MBTD1: variants seen among roughly 807,000 people sequenced by gnomAD.
MBTD1 encodes mbt domain containing 1.
Under a neutral mutation model 87.8 loss-of-function variants are expected in MBTD1, and 24 were observed. The observed-to-expected ratio is 0.27, with a 90% confidence interval of 0.20 to 0.38. The LOEUF (loss-of-function observed/expected upper bound fraction) is 0.38. Ranked by LOEUF, MBTD1 falls within the 10% of genes least tolerant of loss-of-function variation. MBTD1 has a pLI of 1.00. For missense variants in MBTD1, 436 were observed against 760.2 expected (o/e 0.57, Z 5.02); for synonymous variants, 237 against 248.6 (o/e 0.95, Z 0.44).
At position 51,247,237 on chromosome 17, in the gene MBTD1, G is replaced by A. The variant is rs932085153; in HGVS notation, c.-49+11906C>T. Among the ~76,000 whole-genome samples, 3 of 152,178 alleles carry A rather than the reference G, an allele frequency of 2.0e-5. No individual in the cohort carries two copies. The South Asian group carries it at 6.2e-4, about 32-fold the overall frequency. On this transcript the variant is annotated intron_variant, in intron 2 of 16. Transcript: ENST00000586178. ...AGAACACAACTTTTCTCTTCTGACCGATTAGTATGGTGAACTACATAAATA... is the reference window on the plus strand; with the variant it reads ...AGAACACAACTTTTCTCTTCTGACCAATTAGTATGGTGAACTACATAAATA...
intron 8 of MBTD1, among the ~76,000 whole-genome samples, chr17:51,203,507 C>T: frequency 6.6e-6 from 1 of 151,998 alleles, no homozygotes; most frequent in African/African-American, 2.4e-5. Context: ...CTCCATCTCC[C>T]CGGTTCAAGC....
chr17:51,215,712 T>C (rs1428441304), intron 6 of MBTD1, among the ~76,000 whole-genome samples: 7 of 152,200 alleles, frequency 4.6e-5, no homozygotes, highest in African/African-American at 1.7e-4. Flanking sequence ...ATAAATCACC[T>C]ACTTTACACA....
upstream of MBTD1, chr17:51,260,863 G>A (rs749250452): frequency 1.8e-5 from 29 of 1,601,808 alleles, no homozygotes; most frequent in Admixed American, 4.1e-4. Flanking sequence ...GCTTGGAGGA[G>A]CTGGTCTTCG....
chr17:51,230,275 C>A (rs2053476975), intron 2 of MBTD1, among the ~76,000 whole-genome samples: 1 of 152,178 alleles, frequency 6.6e-6, no homozygotes, highest in Non-Finnish European at 1.5e-5. Context: ...CATTTAGATA[C>A]AGTGTGGTGT....
chr17:51,232,068 G>C (rs2286762), intron 2 of MBTD1, among the ~76,000 whole-genome samples: 2,140 of 151,934 alleles, frequency 0.014, 33 homozygotes, highest in Middle Eastern at 0.034. Context: ...ATACTCAAAA[G>C]ACCTATGAGG....
At position 51,177,441 on chromosome 17, in the gene MBTD1, A is replaced by G. The variant is rs969429730; in HGVS notation, c.*3135T>C. ...AAATCCAGCTTAACTTTAACATTTT[A>G]TTTTGTGTAAAAAAGGGCAAATTTA... On this transcript the variant is annotated 3_prime_UTR_variant, in exon 17 of 17. Transcript: ENST00000586178. The G allele has an allele frequency of 2.6e-5, 4 of 152,186 alleles. No homozygotes were observed. The highest frequency in any genetic ancestry group is 5.9e-5 in the Non-Finnish European group (4 of 68,014). 9.4% of individuals were successfully genotyped at this position (152,186 alleles called of 1,614,324 possible).
At position 51,255,016 on chromosome 17, in the gene MBTD1, C is replaced by T. The variant is rs1291592672; in HGVS notation, c.-49+4127G>A. On this transcript the variant is annotated intron_variant, in intron 2 of 16. Coordinates refer to ENST00000586178, the MANE Select transcript of MBTD1 (RefSeq NM_017643.3). ...CATAGAGACGGGCCAGGCGCAGTGG[C>T]TCACGCCTGTAATCCCAGCACTTTG... 2.0e-5 allele frequency among the ~76,000 whole-genome samples: 3 copies of T among 152,316 alleles called. No individual in the cohort carries two copies. In the East Asian group the frequency reaches 5.8e-4, roughly 29 times the overall value.
Position 51,225,218 on chromosome 17 carries a change from T to G in MBTD1, c.-48-9A>C. 1 of 1,462,390 alleles carries G rather than the reference T, an allele frequency of 6.8e-7. No homozygotes were observed. The highest frequency in any genetic ancestry group is 9.1e-7 in the Non-Finnish European group (1 of 1,099,232). The allele number at this position is 1,462,390 out of a possible 1,614,324, so 90.6% of individuals were successfully genotyped here. ...CGTGAAGAATGTTCAGTCTTTGAAGTAAGAGAAACCAGTGACACATGACAC... is the reference window on the plus strand; with the variant it reads ...CGTGAAGAATGTTCAGTCTTTGAAGGAAGAGAAACCAGTGACACATGACAC... On this transcript the variant is annotated splice_polypyrimidine_tract_variant and intron_variant, in intron 2 of 16. Transcript: ENST00000586178.
At chr17:51,195,695 G>T (rs186317391) in intron 12 of MBTD1, among the ~76,000 whole-genome samples, 203 of 152,290 alleles carry the variant, frequency 1.3e-3, no homozygotes, top group African/African-American at 4.7e-3. Context: ...GTTTCAGCTA[G>T]GCTCCAAATC....
chr17:51,215,039 G>C lies in MBTD1; in HGVS notation c.486+2295C>G, dbSNP rs142173771. 4.0e-3 allele frequency among the ~76,000 whole-genome samples: 611 copies of C among 152,322 alleles called. 9 individuals carry two copies. The highest frequency in any genetic ancestry group is 0.028 in the South Asian group (133 of 4,832). ...GGCTTCAAATGAATATGCCAGTTAA[G>C]AGAGCAAGCTCTTTGTACAAAAACA... On this transcript the variant is annotated intron_variant, in intron 6 of 16. Coordinates refer to ENST00000586178, the MANE Select transcript of MBTD1 (RefSeq NM_017643.3).
At chr17:51,243,805 G>A (rs1458670864) in intron 2 of MBTD1, among the ~76,000 whole-genome samples, 1 of 152,158 alleles carries the variant, frequency 6.6e-6, no homozygotes, top group Non-Finnish European at 1.5e-5. Flanking sequence ...GGGATTACAG[G>A]TGTACACTGA....
chr17:51,196,504 A>G (rs1368442482), intron 12 of MBTD1, among the ~76,000 whole-genome samples: 2 of 151,828 alleles, frequency 1.3e-5, no homozygotes, highest in African/African-American at 4.8e-5. Context: ...TTTTAAAACT[A>G]AGACAAACTT....
In MBTD1 at chr17:51,231,620, C is replaced by T. The variant is rs191647965; in HGVS notation, c.-48-6411G>A. Among the ~76,000 whole-genome samples the T allele has an allele frequency of 5.5e-4, 84 of 152,070 alleles. No homozygotes were observed. In the Middle Eastern group the frequency reaches 0.017, roughly 31 times the overall value. The stretch of plus-strand genomic sequence containing the variant: ...TAGAGAAATGTTCTCTGATCTTTTC[C>T]ATGGTCCTAGCACACACAGAAAATG... On this transcript the variant is annotated intron_variant, in intron 2 of 16. Transcript: ENST00000586178.
chr17:51,215,537 A>G (rs1470930608), intron 6 of MBTD1, among the ~76,000 whole-genome samples: 1 of 152,222 alleles, frequency 6.6e-6, no homozygotes, highest in African/African-American at 2.4e-5. Context: ...GAGATGAAAG[A>G]GTTACTGTAA....
At chr17:51,244,424 C>T (rs998489142) in intron 2 of MBTD1, among the ~76,000 whole-genome samples, 1 of 151,964 alleles carries the variant, frequency 6.6e-6, no homozygotes, top group Non-Finnish European at 1.5e-5. Context: ...CTTGTGTCCT[C>T]TTTTTTTTCC....
chr17:51,251,023 CTTTGTA>C (rs974393197), intron 2 of MBTD1: 1 of 151,910 alleles, frequency 6.6e-6, no homozygotes, highest in African/African-American at 2.4e-5. Flanking sequence ...GCTTTTTGTT[CTTTGTA>C]TTTGTTTCAG....
chr17:51,230,182 T>C (rs1161525305), intron 2 of MBTD1, among the ~76,000 whole-genome samples: 6 of 152,166 alleles, frequency 3.9e-5, no homozygotes, highest in African/African-American at 1.4e-4. Flanking sequence ...ATCTAAAAGA[T>C]GAAGTGAGAC....
chr17:51,179,691 G>T lies in MBTD1; in HGVS notation c.*885C>A, dbSNP rs901510826. 2.6e-5 allele frequency: 4 copies of T among 151,102 alleles called. No individual in the cohort carries two copies. The highest frequency in any genetic ancestry group is 5.9e-5 in the Non-Finnish European group (4 of 67,802). 9.4% of individuals were successfully genotyped at this position (151,102 alleles called of 1,614,324 possible). The stretch of plus-strand genomic sequence containing the variant: ...TCCTAATACAGAACATCTGTTTTTG[G>T]TTGTGGTTATACGAAGCTGTTATTT... On this transcript the variant is annotated 3_prime_UTR_variant, in exon 17 of 17. Coordinates refer to ENST00000586178, the MANE Select transcript of MBTD1 (RefSeq NM_017643.3).
At chr17:51,260,254 C>T (rs1288259067), upstream of MBTD1, 1 of 452,746 alleles carries the variant, frequency 2.2e-6, no homozygotes, top group Non-Finnish European at 3.9e-6. Flanking sequence ...AGCAGAAGTT[C>T]CATTCAGCCG....
Sources: gnomAD v4.1 joint callset for allele counts (sites outside exome capture counted in the v4.1 genomes callset) on GRCh38, gnomAD v4.1.1 for gene constraint, MANE v1.5 for transcripts, NCBI Gene and HGNC (gene_info 2026-07-23, HGNC 2026-07-21) for gene names.